UBR4: variants seen among roughly 807,000 people sequenced by gnomAD.
UBR4 encodes the protein ubiquitin protein ligase E3 component n-recognin 4, also known as E3 ubiquitin-protein ligase UBR4.
A neutral mutation model predicts 575.6 loss-of-function variants in UBR4; 124 were observed. That is an observed-to-expected ratio of 0.22 (90% confidence interval 0.19 to 0.25). The LOEUF (loss-of-function observed/expected upper bound fraction) is 0.25, where lower values mean the gene tolerates loss of function less well. Ranked by LOEUF, UBR4 falls within the 10% of genes least tolerant of loss-of-function variation. The pLI, the probability that UBR4 is intolerant of heterozygous loss-of-function variation, is 1.00. For synonymous variants in UBR4, 2,455 were observed against 2,473.7 expected (o/e 0.99, Z 0.22); for missense variants, 4,818 against 6,478.8 (o/e 0.74, Z 8.80).
intron 78 of UBR4, chr1:19,112,243 T>C (rs887872075): frequency 7.6e-6 from 3 of 393,302 alleles, no homozygotes; most frequent in African/African-American, 6.1e-5. Context: ...AGTGTCTCCC[T>C]TCCCTTCCCT....
At position 19,165,985 on chromosome 1, in the gene UBR4, A is replaced by G. The variant is rs2088298446; in HGVS notation, c.4110-228T>C. Among the ~76,000 whole-genome samples, 4 of 152,264 alleles carry G rather than the reference A, an allele frequency of 2.6e-5. No homozygotes were observed. In the South Asian group the frequency reaches 8.3e-4, roughly 31 times the overall value. On this transcript the variant is annotated intron_variant, in intron 29 of 105. Transcript: ENST00000375254. ...TATTTTTCTATCCTCTTCATTAGGAAGATGAACAGGAAAGGCATCTAAAGC... is the reference window on the plus strand; with the variant it reads ...TATTTTTCTATCCTCTTCATTAGGAGGATGAACAGGAAAGGCATCTAAAGC...
intron 35 of UBR4, 122 bp from the exon 36 acceptor site, chr1:19,162,019 A>T: frequency 9.2e-7 from 1 of 1,087,280 alleles, no homozygotes; most frequent in Middle Eastern, 2.9e-4. Context: ...GACCCGTGGA[A>T]ATCTACCACA....
chr1:19,107,262 T>A (rs771362372), intron 81 of UBR4, among the ~76,000 whole-genome samples: 3 of 152,134 alleles, frequency 2.0e-5, no homozygotes, highest in African/African-American at 7.2e-5. Flanking sequence ...CACGGCTGAT[T>A]TGCAGTTTCC....
chr1:19,166,927 T>C, intron 29 of UBR4, 95 bp downstream of exon 29: 2 of 1,337,776 alleles, frequency 1.5e-6, no homozygotes, highest in Non-Finnish European at 2.1e-6. Context: ...ACAAAAACAA[T>C]AAGCTATTAA....
chr1:19,141,430 G>C lies in UBR4; in HGVS notation c.8405C>G (p.Pro2802Arg), dbSNP rs201991573. 3.7e-6 allele frequency: 6 copies of C among 1,614,116 alleles called. No homozygotes were observed. The highest frequency in any genetic ancestry group is 1.6e-4 in the Middle Eastern group (1 of 6,084). Residue 2802 changes from proline to arginine, a missense_variant, in exon 57 of 106, where the codon CCC (proline) becomes CGC (arginine). By Grantham distance (103) the Pro-to-Arg change is moderately radical (BLOSUM62 -2). Coordinates refer to ENST00000375254, the MANE Select transcript of UBR4 (RefSeq NM_020765.3). ...TGCATCAGGTGGGATGTCCAGCATG[G>C]GGGGGAAGCCCTCTGCGCCTGCCAG... is the stretch of plus-strand genomic sequence containing the variant. ...ALLAGAEGFP[P>R]MLDIPPDADD...
chr1:19,201,592 G>T, intron 2 of UBR4, 126 bp downstream of exon 2: 1 of 695,468 alleles, frequency 1.4e-6, no homozygotes. Context: ...CTACTCTTGG[G>T]TGAGCAGCTT....
chr1:19,076,622 C>T, intron 105 of UBR4, 118 bp downstream of exon 105: 1 of 1,369,208 alleles, frequency 7.3e-7, no homozygotes, highest in Middle Eastern at 1.9e-4. Context: ...TGGCAGCTGA[C>T]AGGCTGGTTC....
chr1:19,140,891 G>A lies in UBR4; in HGVS notation c.8490C>T (p.Gly2830=), dbSNP rs754058753. The change falls in exon 58 of 106, where the codon GGC becomes GGT. Residue 2830 remains glycine, a splice_region_variant and synonymous_variant. Transcript: ENST00000375254. ...IALSLQQDQQ[G]SSSSALGLQS... ...GCAGGCCCAGGGCACTGCTGCTGCT[G>A]CCTGGGAAACAAGTGGAGAGTGAGC... The A allele has an allele frequency of 2.7e-5, 44 of 1,606,010 alleles. No individual in the cohort carries two copies. Among genetic ancestry groups the A allele is most frequent in the Non-Finnish European group, 3.3e-5 (39 of 1,177,644 alleles).
At chr1:19,126,005 C>T (rs2081719885) in intron 64 of UBR4, among the ~76,000 whole-genome samples, 2 of 152,154 alleles carry the variant, frequency 1.3e-5, no homozygotes, top group Non-Finnish European at 2.9e-5. Flanking sequence ...AGAACTTCTC[C>T]ATGCTTCAAG....
At chr1:19,176,498 G>A in intron 20 of UBR4, 94 bp downstream of exon 20, 1 of 1,479,524 alleles carries the variant, frequency 6.8e-7, no homozygotes, top group Non-Finnish European at 9.2e-7. Flanking sequence ...TAAAGCAAAT[G>A]ACCAAAGATC....
intron 103 of UBR4, chr1:19,080,146 C>T (rs2076342736): frequency 6.6e-6 from 1 of 152,246 alleles, no homozygotes; most frequent in African/African-American, 2.4e-5. Context: ...GACTTATCAA[C>T]TTAGTATTCT....
At position 19,161,603 on chromosome 1, in the gene UBR4, C is replaced by T. The variant is rs752261068; in HGVS notation, c.5161G>A (p.Asp1721Asn). 2 of 1,609,354 alleles carry T rather than the reference C, an allele frequency of 1.2e-6. No homozygotes were observed. The highest frequency in any genetic ancestry group is 8.5e-7 in the Non-Finnish European group (1 of 1,177,922). The change falls in exon 37 of 106, where the codon GAT becomes AAT. Residue 1721 changes from aspartate to asparagine, a missense_variant. Asp to Asn is a conservative substitution (Grantham distance 23, BLOSUM62 1). Coordinates refer to ENST00000375254, the MANE Select transcript of UBR4 (RefSeq NM_020765.3). ...SFFCDCGAKE[D>N]GSCLALVKRT... The stretch of plus-strand genomic sequence containing the variant: ...GGTCCTCTCACCAAACAGCTGCCAT[C>T]TTCCTTGGCTCCACAGTCACAGAAG...
At chr1:19,167,312 CTTG>C in intron 28 of UBR4, 81 bp from the exon 29 acceptor site, 1 of 1,497,480 alleles carries the variant, frequency 6.7e-7, no homozygotes, top group Non-Finnish European at 9.2e-7. Context: ...AATTCAATTA[CTTG>C]CCGGGGAAGA....
At chr1:19,106,052 G>A (rs1327936490) in intron 83 of UBR4, among the ~76,000 whole-genome samples, 1 of 152,206 alleles carries the variant, frequency 6.6e-6, no homozygotes, top group Non-Finnish European at 1.5e-5. Flanking sequence ...CTTCTGCCTG[G>A]AGACTTCTCC....
rs776189004 is a variant in UBR4, at chr1:19,173,068, C to T, written c.3317G>A (p.Cys1106Tyr). Residue 1106 changes from cysteine to tyrosine, a missense_variant, in exon 25 of 106, where the codon TGT becomes TAT. Around this residue, in one of 29 missense-constraint regions of UBR4, gnomAD observed 1,172 missense variants for 1,259.7 expected, o/e 0.93. Transcript: ENST00000375254. ...TTCATGCAGCTGCAAGATGGTGGTA[C>T]AGTCGATACTACAGAAGGATGAGAT... Reference protein sequence around the residue: ...RQISSFCSIDCTTILQLHEIP... With the variant: ...RQISSFCSIDYTTILQLHEIP... 4 of 1,614,052 alleles carry T rather than the reference C, an allele frequency of 2.5e-6. No individual in the cohort carries two copies. Among genetic ancestry groups the T allele is most frequent in the African/African-American group, 2.7e-5 (2 of 74,902 alleles).
chr1:19,178,877 T>C (rs1204554756), intron 18 of UBR4, among the ~76,000 whole-genome samples, 174 bp downstream of exon 18: 1 of 152,228 alleles, frequency 6.6e-6, no homozygotes. Context: ...CAGACCAAAG[T>C]TGACATACTT....
intron 28 of UBR4, 82 bp downstream of exon 28, chr1:19,167,945 A>G (rs1028598952): frequency 2.2e-6 from 3 of 1,376,998 alleles, no homozygotes; most frequent in African/African-American, 2.9e-5. Context: ...ATTACTACAT[A>G]GTTATAAAAC....
intron 11 of UBR4, among the ~76,000 whole-genome samples, chr1:19,188,972 AAAT>A (rs1302961529): frequency 6.6e-6 from 1 of 152,190 alleles, no homozygotes; most frequent in East Asian, 1.9e-4. Context: ...ACCTCTGTAA[AAAT>A]AATAATAAAA....
chr1:19,164,161 A>C, intron 33 of UBR4, 92 bp downstream of exon 33: 1 of 1,438,016 alleles, frequency 7.0e-7, no homozygotes, highest in Non-Finnish European at 9.3e-7. Context: ...TAGAGATTCA[A>C]ATTTCTTCTG....
Sources: allele counts gnomAD v4.1 joint callset (sites outside exome capture counted in the v4.1 genomes callset), GRCh38; gene constraint gnomAD v4.1.1; regional missense constraint gnomAD v4.1.1; transcripts MANE v1.5; gene names NCBI Gene and HGNC (gene_info 2026-07-23, HGNC 2026-07-21).